The following MYRIP variants were observed in gnomAD, a reference collection of about 807,000 sequenced individuals.
The protein encoded by MYRIP is myosin VIIA and Rab interacting protein, also known as rab effector MyRIP.
Under a neutral mutation model 98.0 loss-of-function variants are expected in MYRIP, and 49 were observed. The observed-to-expected ratio is 0.50, with a 90% CI of 0.40 to 0.63. MYRIP has a LOEUF of 0.63. Ranked by LOEUF, MYRIP falls within the 30% of genes least tolerant of loss-of-function variation. MYRIP has a pLI of 0.00. For missense variants in MYRIP, 1,004 were observed against 1,058.2 expected, an observed-to-expected ratio of 0.95 and a Z score of 0.71; for synonymous variants, 404 against 409.5, an observed-to-expected ratio of 0.99 and a Z score of 0.16.
intron 2 of MYRIP, among the ~76,000 whole-genome samples, chr3:39,950,684 A>G (rs1212981879): frequency 1.3e-5 from 2 of 152,216 alleles, no homozygotes; most frequent in Non-Finnish European, 2.9e-5. Context: ...CAAGAAGAAC[A>G]TGAGTAGAAG....
intron 12 of MYRIP, chr3:40,242,615 A>C (rs909718663): frequency 6.6e-6 from 1 of 152,212 alleles, no homozygotes; most frequent in Admixed American, 6.5e-5. Context: ...TGCTAAAATC[A>C]AGGTTCCAAG....
At chr3:39,958,689 T>G (rs1352777983) in intron 2 of MYRIP, among the ~76,000 whole-genome samples, 3 of 152,154 alleles carry the variant, frequency 2.0e-5, no homozygotes, top group African/African-American at 4.8e-5. Flanking sequence ...GGGATCTAAT[T>G]AAACTAAAGA....
intron 2 of MYRIP, among the ~76,000 whole-genome samples, chr3:39,969,514 G>A (rs895094111): frequency 1.3e-5 from 2 of 152,116 alleles, no homozygotes; most frequent in African/African-American, 4.8e-5. Flanking sequence ...GTAGTTTATT[G>A]AGAGTTTTTA....
chr3:39,857,255 G>GAGGA (rs144396473), intron 1 of MYRIP, among the ~76,000 whole-genome samples: 43 of 135,972 alleles, frequency 3.2e-4, no homozygotes, highest in East Asian at 2.3e-3. Flanking sequence ...GGGAGGGAGG[G>GAGGA]AGGAAGGAAG....
chr3:40,098,993 C>T (rs1948888246), intron 3 of MYRIP, among the ~76,000 whole-genome samples: 1 of 151,902 alleles, frequency 6.6e-6, no homozygotes. Context: ...CATTCAGCAC[C>T]AGAATGTAAT....
intron 3 of MYRIP, among the ~76,000 whole-genome samples, chr3:40,125,496 C>G (rs1051539265): frequency 6.6e-6 from 1 of 152,200 alleles, no homozygotes; most frequent in African/African-American, 2.4e-5. Flanking sequence ...GGGTGGGTCT[C>G]CCTTTCCCAG....
At chr3:40,068,063 TCTCTC>T (rs531611073) in intron 3 of MYRIP, among the ~76,000 whole-genome samples, 2 of 152,214 alleles carry the variant, frequency 1.3e-5, no homozygotes, top group Non-Finnish European at 2.9e-5. Context: ...GGGCGTTTCT[TCTCTC>T]ATTTTTATTT....
chr3:39,840,501 A>G (rs1941768883), intron 1 of MYRIP, among the ~76,000 whole-genome samples: 11 of 151,962 alleles, frequency 7.2e-5, no homozygotes, highest in Admixed American at 7.2e-4. Context: ...TGTGAATTTG[A>G]CCTGTCATTA....
intron 11 of MYRIP, among the ~76,000 whole-genome samples, chr3:40,215,598 G>GA (rs1183198648): frequency 4.6e-5 from 7 of 151,912 alleles, no homozygotes; most frequent in Admixed American, 1.3e-4. Context: ...ATGTGCTTGT[G>GA]AAAAAAAATT....
At chr3:40,158,542 G>A (rs929229775) in intron 4 of MYRIP, among the ~76,000 whole-genome samples, 1 of 152,110 alleles carries the variant, frequency 6.6e-6, no homozygotes, top group African/African-American at 2.4e-5. Flanking sequence ...TTCAATTCCT[G>A]GGTATCCTTG....
chr3:39,959,241 C>T lies in MYRIP; in HGVS notation c.110+58315C>T, dbSNP rs370863308. Among the ~76,000 whole-genome samples the T allele has an allele frequency of 1.3e-3, 204 of 152,300 alleles. 3 individuals carry two copies. In the South Asian group the frequency reaches 0.04, roughly 30 times the overall value. Reference sequence around the variant, plus strand: ...ATGCACACGTATGTTTATTGTGGCACTATTCACAATAGCAAAGACTTGGAA... The same window carrying T: ...ATGCACACGTATGTTTATTGTGGCATTATTCACAATAGCAAAGACTTGGAA... On this transcript the variant is annotated intron_variant, in intron 2 of 16. Transcript: ENST00000302541.
At position 40,245,981 on chromosome 3, in the gene MYRIP, C is replaced by T. The variant is rs535161631; in HGVS notation, c.2262+1374C>T. Among the ~76,000 whole-genome samples the T allele has an allele frequency of 8.9e-4, 129 of 145,416 alleles. 1 individual carries two copies. The highest frequency in any genetic ancestry group is 3.1e-3 in the African/African-American group (122 of 38,816). On this transcript the variant is annotated intron_variant, in intron 13 of 16. Coordinates refer to ENST00000302541, the MANE Select transcript of MYRIP (RefSeq NM_015460.4). ...TTCACCATGTTGGCCAGACTGGTCT[C>T]GAACTCCTGACCTCAGGCGATCCAC...
intron 11 of MYRIP, among the ~76,000 whole-genome samples, chr3:40,216,467 T>C (rs764177001): frequency 1.3e-5 from 2 of 152,128 alleles, no homozygotes; most frequent in Non-Finnish European, 2.9e-5. Flanking sequence ...GAAAAACATG[T>C]ACACCCGTTT....
chr3:39,862,835 A>G (rs1023077502), intron 1 of MYRIP, among the ~76,000 whole-genome samples: 1 of 152,188 alleles, frequency 6.6e-6, no homozygotes, highest in Non-Finnish European at 1.5e-5. Context: ...CAGAATATCC[A>G]TCCATTCTTT....
chr3:39,912,417 A>G (rs535460508), intron 2 of MYRIP, among the ~76,000 whole-genome samples: 161 of 152,358 alleles, frequency 1.1e-3, no homozygotes, highest in Non-Finnish European at 1.9e-3. Flanking sequence ...TACCTAATCA[A>G]TTATGGTCAA....
At chr3:39,875,817 G>C (rs1383979098) in intron 1 of MYRIP, among the ~76,000 whole-genome samples, 1 of 151,868 alleles carries the variant, frequency 6.6e-6, no homozygotes, top group Admixed American at 6.5e-5. Context: ...TGTATATTCT[G>C]TTGATTTGGG....
intron 12 of MYRIP, 135 bp from the exon 13 acceptor site, chr3:40,244,311 T>G (rs2125713171): frequency 2.9e-6 from 2 of 686,246 alleles, no homozygotes; most frequent in Admixed American, 7.4e-5. Context: ...TTTATAAATG[T>G]TATAAAAATA....
At chr3:40,073,670 A>G (rs1948277385) in intron 3 of MYRIP, among the ~76,000 whole-genome samples, 1 of 152,214 alleles carries the variant, frequency 6.6e-6, no homozygotes, top group Non-Finnish European at 1.5e-5. Flanking sequence ...ATTAGCATGT[A>G]GCTATATTCT....
At chr3:39,864,383 T>C (rs1431613204) in intron 1 of MYRIP, among the ~76,000 whole-genome samples, 4 of 152,194 alleles carry the variant, frequency 2.6e-5, no homozygotes, top group Admixed American at 2.6e-4. Context: ...AATATGATTC[T>C]ATACTTAGAA....
Sources: gnomAD v4.1 joint callset for allele counts (sites outside exome capture counted in the v4.1 genomes callset) on GRCh38, gnomAD v4.1.1 for gene constraint, MANE v1.5 for transcripts, NCBI Gene and HGNC (gene_info 2026-07-23, HGNC 2026-07-21) for gene names.